MAP2K1: variants seen among roughly 807,000 people sequenced by gnomAD.
MAP2K1 encodes the protein dual specificity mitogen-activated protein kinase kinase 1.
MAP2K1 carries 16 observed loss-of-function variants against 46.3 expected under a neutral mutation model. The ratio of observed to expected loss-of-function variants is 0.35; its 90% CI spans 0.23 to 0.52. MAP2K1 has a LOEUF of 0.52. Among genes scored for constraint, MAP2K1 ranks in the 20% least tolerant of loss-of-function variants. The pLI is 0.94. For missense variants in MAP2K1, 263 were observed against 497.1 expected (o/e 0.53, Z 4.48); for synonymous variants, 183 against 185.6 (o/e 0.99, Z 0.11).
intron 5 of MAP2K1, among the ~76,000 whole-genome samples, chr15:66,465,653 C>T (rs1317800864): frequency 6.6e-6 from 1 of 152,114 alleles, no homozygotes; most frequent in Non-Finnish European, 1.5e-5. Flanking sequence ...CACCACCACA[C>T]TCCAGCCTGG....
intron 5 of MAP2K1, among the ~76,000 whole-genome samples, chr15:66,481,549 C>T (rs931039860): frequency 6.6e-6 from 1 of 152,180 alleles, no homozygotes; most frequent in Non-Finnish European, 1.5e-5. Flanking sequence ...AGCAGCTGCT[C>T]ATTTCATCTC....
intron 5 of MAP2K1, among the ~76,000 whole-genome samples, chr15:66,468,380 A>G (rs1595878247): frequency 1.3e-5 from 2 of 152,240 alleles, no homozygotes; most frequent in African/African-American, 4.8e-5. Flanking sequence ...GAAGGACACA[A>G]CTCTTTGGTG....
At chr15:66,468,365 G>A (rs1039832313) in intron 5 of MAP2K1, among the ~76,000 whole-genome samples, 6 of 151,972 alleles carry the variant, frequency 3.9e-5, no homozygotes, top group Non-Finnish European at 8.8e-5. Flanking sequence ...CTAAATCTGC[G>A]TATTGAAGGA....
At chr15:66,416,431 CCTAGCCTCTAGTATACATAGT>C (rs2093424790) in intron 1 of MAP2K1, among the ~76,000 whole-genome samples, 1 of 152,048 alleles carries the variant, frequency 6.6e-6, no homozygotes, top group East Asian at 1.9e-4. Context: ...GTCTTCATAG[CCTAGCCTCTAGTATACATAGT>C]GCTTGTCATG....
intron 5 of MAP2K1, among the ~76,000 whole-genome samples, chr15:66,474,902 CAAAA>C (rs34111868): frequency 5.0e-5 from 7 of 140,514 alleles, no homozygotes; most frequent in Admixed American, 1.4e-4. Flanking sequence ...AGACTTGTCT[CAAAA>C]AAAAAAAAAA....
chr15:66,435,111 C>A lies in MAP2K1; in HGVS notation c.165C>A (p.Thr55=), dbSNP rs770743929. Residue 55 remains threonine (T), a synonymous_variant, in exon 2 of 11, where the codon ACC becomes ACA. Coordinates refer to ENST00000307102, the MANE Select transcript of MAP2K1 (RefSeq NM_002755.4). ...QQRKRLEAFL[T]QKQKVGELKD... is the part of the protein sequence containing the mutation. Reference sequence around the variant, plus strand: ...GAAAGCGCCTTGAGGCCTTTCTTACCCAGAAGCAGAAGGTGGGAGAACTGA... The same window carrying A: ...GAAAGCGCCTTGAGGCCTTTCTTACACAGAAGCAGAAGGTGGGAGAACTGA... The A allele has an allele frequency of 1.2e-6, 2 of 1,613,940 alleles. No individual in the cohort carries two copies. The highest frequency in any genetic ancestry group is 2.7e-5 in the African/African-American group (2 of 74,866).
chr15:66,466,317 T>A (rs549107822), intron 5 of MAP2K1, among the ~76,000 whole-genome samples: 1 of 152,366 alleles, frequency 6.6e-6, no homozygotes, highest in Non-Finnish European at 1.5e-5. Flanking sequence ...AGTTTCCAAA[T>A]TCTGGAGTAA....
At chr15:66,448,023 C>T (rs1171809077) in intron 5 of MAP2K1, among the ~76,000 whole-genome samples, 1 of 151,760 alleles carries the variant, frequency 6.6e-6, no homozygotes, top group South Asian at 2.1e-4. Context: ...CGTGGTGGCA[C>T]ACGCCTGTAA....
At chr15:66,482,126 G>A (rs1441566729) in intron 6 of MAP2K1, among the ~76,000 whole-genome samples, 4 of 152,194 alleles carry the variant, frequency 2.6e-5, no homozygotes, top group East Asian at 1.9e-4. Flanking sequence ...GCTCCAGAGT[G>A]TGGCTTTCTT....
At chr15:66,455,390 G>A (rs1892141359) in intron 5 of MAP2K1, among the ~76,000 whole-genome samples, 1 of 152,182 alleles carries the variant, frequency 6.6e-6, no homozygotes, top group South Asian at 2.1e-4. Context: ...ATAGAATCTT[G>A]AAAAAGGCAA....
At chr15:66,488,907 G>A (rs1055588559) in intron 8 of MAP2K1, 3 of 464,230 alleles carry the variant, frequency 6.5e-6, no homozygotes, top group Non-Finnish European at 1.2e-5. Context: ...TCATGTCATA[G>A]AAGAGTAAAC....
intron 5 of MAP2K1, among the ~76,000 whole-genome samples, chr15:66,448,700 T>C (rs1201336305): frequency 6.6e-6 from 1 of 152,126 alleles, no homozygotes; most frequent in Non-Finnish European, 1.5e-5. Flanking sequence ...CCAAACTGCA[T>C]TGTTAAGAAC....
intron 8 of MAP2K1, 134 bp from the exon 9 acceptor site, chr15:66,489,081 A>C: frequency 4.0e-6 from 3 of 740,954 alleles, no homozygotes; most frequent in Non-Finnish European, 7.3e-6. Context: ...ACTGGATGAG[A>C]GTAGTACTGC....
chr15:66,453,975 A>G (rs150736628), intron 5 of MAP2K1, among the ~76,000 whole-genome samples: 7 of 152,280 alleles, frequency 4.6e-5, no homozygotes, highest in Admixed American at 2.0e-4. Flanking sequence ...GATTATTTCA[A>G]TTACCATTTG....
chr15:66,415,037 C>A, intron 1 of MAP2K1: 1 of 486,586 alleles, frequency 2.1e-6, no homozygotes, highest in East Asian at 6.1e-5. Flanking sequence ...GAGATGCTCC[C>A]CTTCTTCATG....
intron 5 of MAP2K1, among the ~76,000 whole-genome samples, chr15:66,467,890 G>A (rs1892506288): frequency 6.6e-6 from 1 of 152,130 alleles, no homozygotes; most frequent in African/African-American, 2.4e-5. Flanking sequence ...CCTGTTTTGG[G>A]CTGGGTTTAT....
chr15:66,479,687 T>C (rs572039541), intron 5 of MAP2K1, among the ~76,000 whole-genome samples: 1 of 152,158 alleles, frequency 6.6e-6, no homozygotes, highest in East Asian at 1.9e-4. Flanking sequence ...CAACAAGGGC[T>C]TTTGGAGCAC....
chr15:66,445,379 G>A (rs1282688234), intron 5 of MAP2K1, among the ~76,000 whole-genome samples: 2 of 151,970 alleles, frequency 1.3e-5, no homozygotes, highest in African/African-American at 4.8e-5. Context: ...GTGGCACAGC[G>A]AGACACAGTC....
chr15:66,488,900 T>C, intron 8 of MAP2K1: 2 of 442,924 alleles, frequency 4.5e-6, no homozygotes, highest in East Asian at 9.3e-5. Flanking sequence ...AACCTCTTCA[T>C]GTCATAGAAG....
Sources: allele counts gnomAD v4.1 joint callset (sites outside exome capture counted in the v4.1 genomes callset), GRCh38; gene constraint gnomAD v4.1.1; transcripts MANE v1.5; gene names NCBI Gene and HGNC (gene_info 2026-07-23, HGNC 2026-07-21).